NTF4: variants seen among roughly 807,000 people sequenced by gnomAD.
NTF4 encodes the protein neurotrophin 4.
Under a neutral mutation model 4.4 loss-of-function variants are expected in NTF4, and 2 were observed. The ratio of observed to expected loss-of-function variants is 0.46; its 90% CI spans 0.19 to 1.44. The LOEUF (loss-of-function observed/expected upper bound fraction) is 1.44, where lower values mean the gene tolerates loss of function less well. NTF4 is among the 40% of genes most tolerant of loss of function. NTF4 has a pLI of 0.26. For synonymous variants in NTF4, 127 were observed against 122.0 expected (o/e 1.04, Z -0.27); for missense variants, 260 against 293.0 (o/e 0.89, Z 0.82).
At chr19:49,058,906 CAGAG>C (rs1387204249), downstream of NTF4, 1 of 152,768 alleles carries the variant, frequency 6.5e-6, no homozygotes, top group African/African-American at 2.4e-5. Flanking sequence ...GACCCAGAGA[CAGAG>C]AGACAGGGAC....
At chr19:49,062,716 G>A (rs1458686797), upstream of NTF4, among the ~76,000 whole-genome samples, 2 of 152,108 alleles carry the variant, frequency 1.3e-5, no homozygotes, top group Admixed American at 6.5e-5. Flanking sequence ...CCCAGGAGGT[G>A]GAGGTTGTGG....
chr19:49,061,261 T>C lies in NTF4; in HGVS notation c.*104A>G. ...TGAGCTCAAAATCAGAGAATTGTGATTTTGTGATTATTTGATGAGTTCCCA... is the reference window on the plus strand; with the variant it reads ...TGAGCTCAAAATCAGAGAATTGTGACTTTGTGATTATTTGATGAGTTCCCA... On this transcript the variant is annotated 3_prime_UTR_variant, in exon 1 of 1. Transcript: ENST00000593537. This position sits in a 1 kb window ranked among gnomAD's most constrained non-coding sequence, Gnocchi z 4.9. 1.3e-6 allele frequency: 2 copies of C among 1,555,216 alleles called. No individual in the cohort carries two copies. The highest frequency in any genetic ancestry group is 1.7e-6 in the Non-Finnish European group (2 of 1,154,804).
At chr19:49,062,139 G>T (rs544255357), upstream of NTF4, 3 of 1,016,540 alleles carry the variant, frequency 3.0e-6, no homozygotes, top group South Asian at 6.4e-5. Context: ...GAAGTTTGGG[G>T]GACCCTATAT....
At position 49,061,213 on chromosome 19, in the gene NTF4, G is replaced by T; in HGVS notation, c.*152C>A. The T allele has an allele frequency of 6.8e-7, 1 of 1,464,502 alleles. No individual in the cohort carries two copies. The highest frequency in any genetic ancestry group is 9.1e-7 in the Non-Finnish European group (1 of 1,094,078). 90.7% of individuals were successfully genotyped at this position (1,464,502 alleles called of 1,614,324 possible). A position where few individuals can be genotyped will look rare whatever the true frequency, so the allele number is the denominator to read the frequency against. On this transcript the variant is annotated 3_prime_UTR_variant, in exon 1 of 1. Coordinates refer to ENST00000593537, the Ensembl canonical transcript of NTF4. This position sits in a 1 kb window ranked among gnomAD's most constrained non-coding sequence, Gnocchi z 4.9. ...CTATTCAACCTCCAAAACCCCATGT[G>T]GTTTCACCCATCCTGCAGAGATTGA...
At chr19:49,059,666 A>T (rs1198371832), downstream of NTF4, among the ~76,000 whole-genome samples, 1 of 151,884 alleles carries the variant, frequency 6.6e-6, no homozygotes, top group East Asian at 1.9e-4. Flanking sequence ...AGAGAGAGAG[A>T]GTTGGTGGGG....
Position 49,061,592 on chromosome 19 carries a change from A to G in NTF4, c.406T>C (p.Phe136Leu), listed in dbSNP as rs1487582932. 3.1e-6 allele frequency: 5 copies of G among 1,613,944 alleles called. No homozygotes were observed. Among genetic ancestry groups the G allele is most frequent in the Non-Finnish European group, 4.2e-6 (5 of 1,180,040 alleles). Residue 136 changes from phenylalanine to leucine, a missense_variant, in exon 1 of 1, where the codon TTC (phenylalanine) becomes CTC (leucine). By Grantham distance (22) the Phe-to-Leu change is conservative. Transcript: ENST00000593537. This position sits in a 1 kb window ranked among gnomAD's most constrained non-coding sequence, Gnocchi z 4.9. ...TCAGCCTTGCAGCGGGTTTCAAAGA[A>G]GTACTGGCGGAGGGGACTGCCGCCA...
At chr19:49,060,036 CAAAAAAAAAAAAAAAAAAAAAA>C (rs55870191), downstream of NTF4, among the ~76,000 whole-genome samples, 1 of 28,418 alleles carries the variant, frequency 3.5e-5, no homozygotes, top group African/African-American at 1.7e-4. Flanking sequence ...GACTCCATCT[CAAAAAAAAAAAAAAAAAAAAAA>C]AAAAAAAAAA....
At chr19:49,062,118 C>A (rs921079734), upstream of NTF4, 1 of 1,282,898 alleles carries the variant, frequency 7.8e-7, no homozygotes, top group East Asian at 2.6e-5. Flanking sequence ...TGTGGGGAAG[C>A]CCTTGTTCTA....
rs552406043 is a variant in NTF4, at chr19:49,061,614, G to A, written c.384C>T (p.Gly128=). The stretch of plus-strand genomic sequence containing the variant: ...AGAAGTACTGGCGGAGGGGACTGCC[G>A]CCAGCTGCAGGCACCTCGCCCAACA... The change falls in exon 1 of 1, where the codon GGC becomes GGT. Residue 128 remains glycine, a synonymous_variant. Coordinates refer to ENST00000593537, the Ensembl canonical transcript of NTF4. This position sits in a 1 kb window ranked among gnomAD's most constrained non-coding sequence, Gnocchi z 4.9. The A allele has an allele frequency of 1.5e-5, 25 of 1,613,576 alleles. No individual in the cohort carries two copies. Among genetic ancestry groups the A allele is most frequent in the Admixed American group, 1.0e-4 (6 of 60,030 alleles).
Position 49,061,828 on chromosome 19 carries a change from G to C in NTF4, c.170C>G (p.Pro57Arg). 6.4e-7 allele frequency: 1 copy of C among 1,551,390 alleles called. No individual in the cohort carries two copies. Among genetic ancestry groups the C allele is most frequent in the Non-Finnish European group, 8.7e-7 (1 of 1,147,570 alleles). ...CCCAGCCTCCAGCAGGAAGAGCAGAGGGGGCCCAGCAGGGGCACCCCTAGA... is the reference window on the plus strand; with the variant it reads ...CCCAGCCTCCAGCAGGAAGAGCAGACGGGGCCCAGCAGGGGCACCCCTAGA... The change falls in exon 1 of 1, where the codon CCT (proline) becomes CGT (arginine). Residue 57 changes from proline (P) to arginine (R), a missense_variant. Transcript: ENST00000593537. This position sits in a 1 kb window ranked among gnomAD's most constrained non-coding sequence, Gnocchi z 4.9.
downstream of NTF4, chr19:49,058,321 G>A: frequency 6.7e-7 from 1 of 1,485,376 alleles, no homozygotes; most frequent in Non-Finnish European, 8.9e-7. Flanking sequence ...CTTTGCAGTC[G>A]GAGGTAGAGG....
upstream of NTF4, among the ~76,000 whole-genome samples, chr19:49,062,190 A>G (rs1020730386): frequency 2.6e-5 from 4 of 152,198 alleles, no homozygotes; most frequent in African/African-American, 9.7e-5. Context: ...TTAATAATAA[A>G]TATTCAACTA....
chr19:49,061,549 C>T lies in NTF4; in HGVS notation c.449G>A (p.Gly150Asp). ...GCAGCCCCCTCCACCTGCCCCCGGG[C>T]CACCTTCCTCAGCGTTATCAGCCTT... Residue 150 changes from glycine to aspartate, a missense_variant, in exon 1 of 1, where the codon GGC becomes GAC. Coordinates refer to ENST00000593537, the Ensembl canonical transcript of NTF4. The surrounding 1 kb of genome is among the most constrained non-coding windows in gnomAD (Gnocchi z 4.9). The T allele has an allele frequency of 1.2e-6, 2 of 1,614,198 alleles. No individual in the cohort carries two copies. Among genetic ancestry groups the T allele is most frequent in the Non-Finnish European group, 1.7e-6 (2 of 1,180,032 alleles).
In NTF4 at chr19:49,061,866, G is replaced by C. The variant is rs1236575649; in HGVS notation, c.132C>G (p.Pro44=). 2 of 1,543,956 alleles carry C rather than the reference G, an allele frequency of 1.3e-6. No homozygotes were observed. Among genetic ancestry groups the C allele is most frequent in the Admixed American group, 2.0e-5 (1 of 50,902 alleles). ...GGGCACCCCTAGACAGGACTACTCG[G>C]GGGGAGAGAAGGTCCCACTCAGGGG... The change falls in exon 1 of 1, where the codon CCC becomes CCG. Residue 44 remains proline, a synonymous_variant. Transcript: ENST00000593537. The surrounding 1 kb of genome is among the most constrained non-coding windows in gnomAD (Gnocchi z 4.9).
downstream of NTF4, among the ~76,000 whole-genome samples, chr19:49,059,358 C>G (rs113250936): frequency 4.6e-5 from 7 of 151,976 alleles, 1 homozygote; most frequent in African/African-American, 1.7e-4. Context: ...AGAAGTGCAC[C>G]GGACCATAGC....
At chr19:49,063,904 G>C (rs2040183852), upstream of NTF4, 1 of 152,208 alleles carries the variant, frequency 6.6e-6, no homozygotes, top group South Asian at 2.1e-4. Context: ...AGGCAGGTGG[G>C]GAAGGGGCCA....
At position 49,061,120 on chromosome 19, in the gene NTF4, TC is replaced by T; in HGVS notation, c.*244del. The stretch of plus-strand genomic sequence containing the variant: ...ATTAGGGATAAGAAACAGTAAACAC[TC>T]AGTAAATAGTGGCTATTATTATTAT... On this transcript the variant is annotated 3_prime_UTR_variant, in exon 1 of 1. Coordinates refer to ENST00000593537, the Ensembl canonical transcript of NTF4. The surrounding 1 kb of genome is among the most constrained non-coding windows in gnomAD (Gnocchi z 4.9). 1.6e-6 allele frequency: 1 copy of T among 634,046 alleles called. No individual in the cohort carries two copies. Among genetic ancestry groups the T allele is most frequent in the East Asian group, 2.9e-5 (1 of 34,292 alleles). 39.3% of individuals were successfully genotyped at this position (634,046 alleles called of 1,614,324 possible). A position where few individuals can be genotyped will look rare whatever the true frequency, so the allele number is the denominator to read the frequency against.
chr19:49,063,063 G>A (rs1274932892), upstream of NTF4, among the ~76,000 whole-genome samples: 3 of 151,992 alleles, frequency 2.0e-5, no homozygotes, highest in Non-Finnish European at 4.4e-5. Flanking sequence ...CTGGAGTACA[G>A]TGGCACAATC....
At chr19:49,063,211 TG>T, upstream of NTF4, among the ~76,000 whole-genome samples, 1 of 152,120 alleles carries the variant, frequency 6.6e-6, no homozygotes. Flanking sequence ...TTCACCATGT[TG>T]GCCAGACTGG....
Sources: allele counts gnomAD v4.1 joint callset (sites outside exome capture counted in the v4.1 genomes callset), GRCh38; gene constraint gnomAD v4.1.1; non-coding constraint Gnocchi (gnomAD v3.1); transcripts MANE v1.5; gene names NCBI Gene and HGNC (gene_info 2026-07-23, HGNC 2026-07-21).